AEN: variants seen among roughly 807,000 people sequenced by gnomAD.
AEN encodes apoptosis-enhancing nuclease.
In AEN, 21 loss-of-function variants were observed where a neutral mutation model predicts 17.7. The ratio of observed to expected loss-of-function variants is 1.19; its 90% CI spans 0.84 to 1.71. The LOEUF (loss-of-function observed/expected upper bound fraction) is 1.71. AEN is among the 40% of genes most tolerant of loss of function. The probability of loss-of-function intolerance (pLI) is 0.00; values close to 1 mark genes in which losing one functional copy is unlikely to be tolerated. For synonymous variants in AEN, 190 were observed against 173.0 expected (o/e 1.10, Z -0.77); for missense variants, 462 against 435.9 (o/e 1.06, Z -0.53).
rs1188448724 is a variant in AEN at position 88,629,909 on chromosome 15, G to A, written c.742-149G>A. The A allele has an allele frequency of 8.4e-6, 6 of 718,442 alleles. No individual in the cohort carries two copies. In the African/African-American group the frequency reaches 1.0e-4, roughly 13 times the overall value. The allele number at this position is 718,442 out of a possible 1,614,324, so 44.5% of individuals were successfully genotyped here. On this transcript the variant is annotated intron_variant, in intron 3 of 3. Transcript: ENST00000332810. ...GCTGCATGGCTTATGGTGTACAGTT[G>A]AGGTTCCATCCCTTTTCTGTGAACC...
Position 88,629,400 on chromosome 15 carries a change from C to G in AEN, c.715C>G (p.Leu239Val). 1 of 1,614,018 alleles carries G rather than the reference C, an allele frequency of 6.2e-7. No homozygotes were observed. The highest frequency in any genetic ancestry group is 8.5e-7 in the Non-Finnish European group (1 of 1,179,932). ...CCGGGTCTCTCTAAAGGACCTGGCC[C>G]TGCAGCTGCTGCACAAGAAGATCCA... ...RARVSLKDLALQLLHKKIQVG... is the reference protein window; with the variant it reads ...RARVSLKDLAVQLLHKKIQVG... Residue 239 changes from leucine (L) to valine (V), a missense_variant, in exon 3 of 4, where the codon CTG (leucine) becomes GTG (valine). Transcript: ENST00000332810.
At chr15:88,605,287 C>T in the AEN span, among the ~76,000 whole-genome samples, 15 of 152,306 alleles carry the variant, frequency 9.8e-5, no homozygotes, top group East Asian at 1.9e-3. This position sits in a 1 kb window ranked among gnomAD's most constrained non-coding sequence, Gnocchi z 7.6. Context: ...AGGAGAAAGA[C>T]GGCCCCACAG....
chr15:88,614,569 C>G, the AEN span, among the ~76,000 whole-genome samples: 86,709 of 151,994 alleles, frequency 0.57, 25,672 homozygotes, highest in African/African-American at 0.67. Flanking sequence ...ACAAGGGTCA[C>G]GGCATCTGGC....
At chr15:88,615,042 T>C in the AEN span, among the ~76,000 whole-genome samples, 1 of 152,122 alleles carries the variant, frequency 6.6e-6, no homozygotes, top group African/African-American at 2.4e-5. Context: ...TTTTTTTGTA[T>C]TTTTAGTAGA....
chr15:88,618,328 C>G (rs2057755683), upstream of AEN, among the ~76,000 whole-genome samples: 2 of 152,102 alleles, frequency 1.3e-5, no homozygotes, highest in African/African-American at 2.4e-5. Context: ...ATGAAGCACC[C>G]TATTGTACAT....
the AEN span, among the ~76,000 whole-genome samples, chr15:88,612,545 G>C: frequency 1.3e-5 from 2 of 151,950 alleles, no homozygotes. Context: ...ATTAGAATTA[G>C]TGATCAGAAA....
chr15:88,608,093 A>G, the AEN span: 2 of 525,230 alleles, frequency 3.8e-6, no homozygotes, highest in South Asian at 2.8e-5. Flanking sequence ...CAAGAAGATA[A>G]CTGAGCTCTT....
At chr15:88,629,924 T>C in intron 3 of AEN, 134 bp from the exon 4 acceptor site, 1 of 804,122 alleles carries the variant, frequency 1.2e-6, no homozygotes, top group South Asian at 1.6e-5. Context: ...TCCATCCCTT[T>C]TCTGTGAACC....
upstream of AEN, among the ~76,000 whole-genome samples, chr15:88,619,764 C>T (rs562179532): frequency 7.2e-5 from 11 of 152,168 alleles, no homozygotes; most frequent in African/African-American, 1.9e-4. Context: ...GCCTGAAGAC[C>T]GCTGTCCTAT....
chr15:88,624,354 G>C lies in AEN; in HGVS notation c.-64-1792G>C, dbSNP rs1596027895. Among the ~76,000 whole-genome samples the C allele has an allele frequency of 3.9e-5, 6 of 152,330 alleles. No homozygotes were observed. In the East Asian group the frequency reaches 1.2e-3, roughly 29 times the overall value. On this transcript the variant is annotated intron_variant, in intron 1 of 3. Transcript: ENST00000332810. ...AGTGGGAAGGGAGGCTGTGGCTTGG[G>C]AAAGGGCAGTGAGTCCAGGCGGAGG...
Position 88,630,453 on chromosome 15 carries a change from C to T in AEN, c.*159C>T, listed in dbSNP as rs958927218. Reference sequence around the variant, plus strand: ...GGGTCATCTGTTACCTTGACACCCTCTGCACACAGCATAGCCCTCTCTCTC... The same window carrying T: ...GGGTCATCTGTTACCTTGACACCCTTTGCACACAGCATAGCCCTCTCTCTC... On this transcript the variant is annotated 3_prime_UTR_variant, in exon 4 of 4. Coordinates refer to ENST00000332810, the MANE Select transcript of AEN (RefSeq NM_022767.4). This position sits in a 1 kb window ranked among gnomAD's most constrained non-coding sequence, Gnocchi z 5.1. 1.5e-6 allele frequency: 1 copy of T among 647,720 alleles called. No individual in the cohort carries two copies. The highest frequency in any genetic ancestry group is 2.7e-6 in the Non-Finnish European group (1 of 368,390). 40.1% of individuals were successfully genotyped at this position (647,720 alleles called of 1,614,324 possible).
chr15:88,619,123 G>C (rs6496511), upstream of AEN, among the ~76,000 whole-genome samples: 105,039 of 152,144 alleles, frequency 0.69, 39,875 homozygotes, highest in Non-Finnish European at 0.84. Context: ...AGCAAAGAAT[G>C]AGAAACCACC....
Position 88,629,306 on chromosome 15 carries a change from T to C in AEN, c.621T>C (p.Pro207=), listed in dbSNP as rs777291807. 1.7e-5 allele frequency: 28 copies of C among 1,613,946 alleles called. No homozygotes were observed. Among genetic ancestry groups the C allele is most frequent in the Non-Finnish European group, 2.3e-5 (27 of 1,180,006 alleles). The part of the protein sequence containing the change: ...NDFQALKYVH[P]RSQTRDTTYV... The stretch of plus-strand genomic sequence containing the variant: ...TCCAGGCGCTCAAGTATGTCCACCC[T>C]CGGAGCCAGACCCGGGATACGACCT... The change falls in exon 3 of 4, where the codon CCT becomes CCC. Residue 207 remains proline, a synonymous_variant. Coordinates refer to ENST00000332810, the MANE Select transcript of AEN (RefSeq NM_022767.4).
At chr15:88,610,879 G>A in the AEN span, among the ~76,000 whole-genome samples, 108 of 152,330 alleles carry the variant, frequency 7.1e-4, 1 homozygote, top group Admixed American at 3.7e-3. Context: ...TCCTGCCAGC[G>A]CAATTAGAGG....
chr15:88,626,847 C>T, intron 2 of AEN, 98 bp downstream of exon 2: 7 of 1,396,042 alleles, frequency 5.0e-6, no homozygotes, highest in South Asian at 2.6e-5. Flanking sequence ...GGGCAAGAAA[C>T]CTTGGGAAAG....
At chr15:88,612,185 C>T in the AEN span, among the ~76,000 whole-genome samples, 1 of 152,170 alleles carries the variant, frequency 6.6e-6, no homozygotes, top group African/African-American at 2.4e-5. Context: ...TCCTTAATTA[C>T]TAATTCCCCC....
At chr15:88,611,840 A>T in the AEN span, 2 of 521,150 alleles carry the variant, frequency 3.8e-6, no homozygotes, top group African/African-American at 3.9e-5. Flanking sequence ...TACAGAGTGG[A>T]CCGGCTGGCC....
chr15:88,614,886 GTTGTT>G, the AEN span, among the ~76,000 whole-genome samples: 1 of 151,328 alleles, frequency 6.6e-6, no homozygotes, highest in Non-Finnish European at 1.5e-5. Flanking sequence ...TGTTGTTGTT[GTTGTT>G]TTGTTTTGTT....
At chr15:88,607,661 T>A in the AEN span, among the ~76,000 whole-genome samples, 1 of 152,244 alleles carries the variant, frequency 6.6e-6, no homozygotes, top group Non-Finnish European at 1.5e-5. Flanking sequence ...TATCTTTATC[T>A]GTGATGCCCT....
Sources: gnomAD v4.1 joint callset for allele counts (sites outside exome capture counted in the v4.1 genomes callset) on GRCh38, gnomAD v4.1.1 for gene constraint, Gnocchi (gnomAD v3.1) non-coding constraint, MANE v1.5 for transcripts, NCBI Gene and HGNC (gene_info 2026-07-23, HGNC 2026-07-21) for gene names.